Variants in CPVL observed in about 807,000 individuals in gnomAD.
CPVL encodes the protein carboxypeptidase vitellogenic like.
Under a neutral mutation model 63.7 loss-of-function variants are expected in CPVL, and 51 were observed. That is an observed-to-expected ratio of 0.80 (90% CI 0.64 to 1.01). The LOEUF (loss-of-function observed/expected upper bound fraction) is 1.01. CPVL is among the 50% of genes least tolerant of loss of function. CPVL has a pLI of 0.00. For missense variants in CPVL, 530 were observed against 573.1 expected, an observed-to-expected ratio of 0.92 and a Z score of 0.77; for synonymous variants, 195 against 206.0, an observed-to-expected ratio of 0.95 and a Z score of 0.46.
intron 4 of CPVL, 78 bp from the exon 5 acceptor site, chr7:29,095,220 AAC>A: frequency 8.6e-7 from 1 of 1,162,128 alleles, no homozygotes; most frequent in Non-Finnish European, 1.3e-6. Context: ...TCAGAAGCCC[AAC>A]ACACCCCACG....
chr7:29,072,778 A>C (rs1453700048), intron 7 of CPVL, among the ~76,000 whole-genome samples: 1 of 152,154 alleles, frequency 6.6e-6, no homozygotes, highest in Non-Finnish European at 1.5e-5. Context: ...GATTAGAGGG[A>C]AAAAAATCTC....
At chr7:29,003,436 T>A (rs1441816990) in intron 12 of CPVL, among the ~76,000 whole-genome samples, 1 of 152,036 alleles carries the variant, frequency 6.6e-6, no homozygotes, top group East Asian at 1.9e-4. Context: ...TTGGAAAAGG[T>A]TTTTGTCAGC....
intron 11 of CPVL, 47 bp downstream of exon 11, chr7:29,064,014 G>C: frequency 1.5e-6 from 2 of 1,350,250 alleles, no homozygotes; most frequent in Admixed American, 1.9e-5. Flanking sequence ...CTTCTGCTCT[G>C]GGTAATCTGA....
At chr7:29,064,938 C>A (rs5001207) in intron 10 of CPVL, among the ~76,000 whole-genome samples, 127,898 of 150,614 alleles carry the variant, frequency 0.85, 54,077 homozygotes, top group South Asian at 0.91. Context: ...ATAAAAAAAA[C>A]CGCACACACA....
intron 12 of CPVL, among the ~76,000 whole-genome samples, chr7:29,000,653 G>T (rs946982198): frequency 6.6e-6 from 1 of 152,210 alleles, no homozygotes; most frequent in Non-Finnish European, 1.5e-5. Flanking sequence ...CAAGTGACAT[G>T]CTGGGATGAG....
intron 3 of CPVL, among the ~76,000 whole-genome samples, chr7:29,111,424 T>G (rs548390725): frequency 6.6e-6 from 1 of 152,324 alleles, no homozygotes; most frequent in South Asian, 2.1e-4. Context: ...CAGGCTCCAG[T>G]GCTGACCTTG....
chr7:29,081,585 A>G (rs1584204387), intron 7 of CPVL: 1 of 152,228 alleles, frequency 6.6e-6, no homozygotes, highest in Non-Finnish European at 1.5e-5. Flanking sequence ...TTTTTTAGAC[A>G]AAGTAACTAT....
chr7:29,060,310 G>A lies in CPVL; in HGVS notation c.1137+3751C>T, dbSNP rs538308492. On this transcript the variant is annotated intron_variant, in intron 11 of 12. Coordinates refer to ENST00000265394, the MANE Select transcript of CPVL (RefSeq NM_031311.5). ...ATAGACAAGGAAGCCAAAGCGCAGA[G>A]AGTTTAAGTTTCCTCTCCCAAAGGA... Among the ~76,000 whole-genome samples, 11 of 152,298 alleles carry A rather than the reference G, an allele frequency of 7.2e-5. No individual in the cohort carries two copies. In the South Asian group the frequency reaches 8.3e-4, roughly 11 times the overall value.
At chr7:29,177,318 A>G (rs761750530) in intron 5 of CPVL, among the ~76,000 whole-genome samples, 31 of 151,630 alleles carry the variant, frequency 2.0e-4, no homozygotes, top group African/African-American at 7.5e-4. Context: ...CAGTGGTGCT[A>G]TCTCTGCTCA....
intron 5 of CPVL, among the ~76,000 whole-genome samples, chr7:29,172,739 G>T (rs1796764765): frequency 6.6e-6 from 1 of 151,994 alleles, no homozygotes; most frequent in African/African-American, 2.4e-5. Flanking sequence ...TGTTAATTGG[G>T]AAAGAAGTAA....
intron 1 of CPVL, among the ~76,000 whole-genome samples, chr7:29,125,764 T>C (rs1474515101): frequency 6.6e-6 from 1 of 152,204 alleles, no homozygotes; most frequent in East Asian, 1.9e-4. Flanking sequence ...AATAACAGCC[T>C]GTAATAGTCT....
intron 1 of CPVL, chr7:29,128,087 A>G (rs1188057185): frequency 6.6e-6 from 1 of 151,978 alleles, no homozygotes; most frequent in African/African-American, 2.4e-5. Context: ...CTGGCAGCCA[A>G]CATGGGGTGG....
At chr7:29,180,662 A>G (rs1797958911) in intron 5 of CPVL, among the ~76,000 whole-genome samples, 1 of 152,226 alleles carries the variant, frequency 6.6e-6, no homozygotes, top group Admixed American at 6.5e-5. Flanking sequence ...ATTAAAAGTT[A>G]TTATAATTAC....
At chr7:29,060,635 G>A (rs752195658) in intron 11 of CPVL, among the ~76,000 whole-genome samples, 6 of 152,166 alleles carry the variant, frequency 3.9e-5, no homozygotes, top group Admixed American at 1.3e-4. Context: ...ATGTTTTCAC[G>A]TAGCTTACAT....
At chr7:29,012,269 A>G (rs762258843) in intron 12 of CPVL, 1 of 152,186 alleles carries the variant, frequency 6.6e-6, no homozygotes, top group Admixed American at 6.5e-5. Context: ...GCTGCAAACC[A>G]TCACTCTGGA....
intron 5 of CPVL, among the ~76,000 whole-genome samples, chr7:29,180,572 T>A (rs1797945535): frequency 6.6e-6 from 1 of 151,902 alleles, no homozygotes; most frequent in Admixed American, 6.6e-5. Flanking sequence ...TAAATTGATA[T>A]AAAAATGACT....
intron 12 of CPVL, among the ~76,000 whole-genome samples, chr7:29,023,499 C>A (rs1384763114): frequency 1.3e-5 from 2 of 152,144 alleles, no homozygotes; most frequent in African/African-American, 2.4e-5. Flanking sequence ...ATGGGAGCTA[C>A]AACTCAGGAT....
At chr7:29,031,785 T>G (rs370632112) in intron 11 of CPVL, among the ~76,000 whole-genome samples, 4 of 149,838 alleles carry the variant, frequency 2.7e-5, no homozygotes. Flanking sequence ...TATAGGATAT[T>G]ATAAGACCAT....
intron 9 of CPVL, among the ~76,000 whole-genome samples, chr7:29,069,269 G>A (rs1250105830): frequency 2.0e-5 from 3 of 151,388 alleles, no homozygotes; most frequent in East Asian, 2.0e-4. Context: ...GTGAAAACCC[G>A]TCTCTACTAA....
Sources: gnomAD v4.1 joint callset for allele counts (sites outside exome capture counted in the v4.1 genomes callset) on GRCh38, gnomAD v4.1.1 for gene constraint, MANE v1.5 for transcripts, NCBI Gene and HGNC (gene_info 2026-07-23, HGNC 2026-07-21) for gene names.